The following NPFFR1 variants were observed in gnomAD, a reference collection of about 807,000 sequenced individuals.
The protein encoded by NPFFR1 is neuropeptide FF receptor 1.
In NPFFR1, 17 loss-of-function variants were observed where a neutral mutation model predicts 12.7. The ratio of observed to expected loss-of-function variants is 1.34; its 90% CI spans 0.92 to 2.01. The LOEUF (loss-of-function observed/expected upper bound fraction) is 2.01. Ranked by LOEUF, NPFFR1 falls within the 30% of genes most tolerant of loss-of-function variation. NPFFR1 has a pLI of 0.00. For synonymous variants in NPFFR1, 296 were observed against 264.5 expected, an observed-to-expected ratio of 1.12 and a Z score of -1.16; for missense variants, 604 against 606.5, an observed-to-expected ratio of 1.00 and a Z score of 0.04.
At chr10:70,266,018 A>G in intron 2 of NPFFR1, 59 bp downstream of exon 2, 1 of 1,471,070 alleles carries the variant, frequency 6.8e-7, no homozygotes, top group Non-Finnish European at 9.4e-7. Flanking sequence ...TTCCAGCCTT[A>G]TCTGAGAAGT....
intron 1 of NPFFR1, among the ~76,000 whole-genome samples, chr10:70,268,199 AATACCAGACATTACTTCCTTTC>A (rs1276568585): frequency 6.6e-6 from 1 of 152,128 alleles, no homozygotes; most frequent in African/African-American, 2.4e-5. Context: ...TTTTGAAGTA[AATACCAGACATTACTTCCTTTC>A]ATCCATAAAT....
At chr10:70,257,827 C>T (rs542735522) in intron 3 of NPFFR1, among the ~76,000 whole-genome samples, 35 of 152,340 alleles carry the variant, frequency 2.3e-4, no homozygotes, top group African/African-American at 5.1e-4. Flanking sequence ...ATGTTTGCAG[C>T]AGTGCTGCCT....
Position 70,254,621 on chromosome 10 carries a change from G to C in NPFFR1, c.*336C>G, listed in dbSNP as rs1840542428. On this transcript the variant is annotated 3_prime_UTR_variant, in exon 4 of 4. Transcript: ENST00000277942. ...AGCTTCACATGCCATTTCCACCTGA[G>C]AAACTTGGGTGAGTCACATCTCTCC... The C allele has an allele frequency of 3.7e-6, 1 of 270,616 alleles. No homozygotes were observed. Among genetic ancestry groups the C allele is most frequent in the African/African-American group, 2.2e-5 (1 of 45,698 alleles). 16.8% of individuals were successfully genotyped at this position (270,616 alleles called of 1,614,324 possible).
Position 70,274,257 on chromosome 10 carries a change from G to A in NPFFR1, c.8-7866C>T, listed in dbSNP as rs140245404. Among the ~76,000 whole-genome samples, 814 of 152,192 alleles carry A rather than the reference G, an allele frequency of 5.3e-3. 12 individuals are homozygous for A. The highest frequency in any genetic ancestry group is 0.018 in the African/African-American group (757 of 41,518). ...AAGGTCAGGAGTTCGAGACCAGCCC[G>A]GCCAACATGGTGAAACCCTGTCTCT... On this transcript the variant is annotated intron_variant, in intron 1 of 3. Coordinates refer to ENST00000277942, the MANE Select transcript of NPFFR1 (RefSeq NM_022146.5).
intron 1 of NPFFR1, among the ~76,000 whole-genome samples, chr10:70,274,522 T>G (rs940743494): frequency 2.0e-5 from 3 of 152,150 alleles, no homozygotes; most frequent in Non-Finnish European, 4.4e-5. Context: ...TGGGAACTTG[T>G]CTTAGAGCTG....
chr10:70,281,365 A>G (rs1045293470), intron 1 of NPFFR1, among the ~76,000 whole-genome samples: 35 of 151,694 alleles, frequency 2.3e-4, no homozygotes, highest in African/African-American at 8.5e-4. Context: ...GCAGGATAGA[A>G]CCCCCCAGTT....
intron 1 of NPFFR1, among the ~76,000 whole-genome samples, chr10:70,277,601 AC>A (rs1840816644): frequency 6.6e-6 from 1 of 152,124 alleles, no homozygotes; most frequent in Admixed American, 6.5e-5. Flanking sequence ...CCCCTTCCGT[AC>A]ATGGCCACTT....
chr10:70,255,062 G>C lies in NPFFR1; in HGVS notation c.1188C>G (p.Pro396=). The stretch of plus-strand genomic sequence containing the variant: ...GCCCATTCCGCAGCGGGAGGCGGCC[G>C]GGCCTGGGGGCCCCACTGCTAGGGC... The part of the protein sequence containing the change: ...ESGPSSGAPR[P]GRLPLRNGRV... Residue 396 remains proline (P), a synonymous_variant, in exon 4 of 4, where the codon CCC becomes CCG. Transcript: ENST00000277942. This position sits in a 1 kb window ranked among gnomAD's most constrained non-coding sequence, Gnocchi z 4.2. 8 of 1,436,120 alleles carry C rather than the reference G, an allele frequency of 5.6e-6. No homozygotes were observed. The highest frequency in any genetic ancestry group is 7.3e-6 in the Non-Finnish European group (8 of 1,101,918). The allele number at this position is 1,436,120 out of a possible 1,614,324, so 89.0% of individuals were successfully genotyped here. A position where few individuals can be genotyped will look rare whatever the true frequency, so the allele number is the denominator to read the frequency against.
intron 1 of NPFFR1, among the ~76,000 whole-genome samples, chr10:70,272,141 G>GAA (rs779896681): frequency 0.018 from 1,602 of 90,714 alleles, 18 homozygotes; most frequent in Middle Eastern, 0.031. Context: ...AAGAAATAAA[G>GAA]AGAAAGGGAG....
intron 1 of NPFFR1, among the ~76,000 whole-genome samples, chr10:70,272,244 G>GAAAAAGA (rs60571634): frequency 1.6e-5 from 1 of 64,406 alleles, no homozygotes; most frequent in Non-Finnish European, 3.1e-5. Context: ...AAGAAAGAAA[G>GAAAAAGA]AAGAAAGAAG....
At chr10:70,271,257 A>G (rs1840740771) in intron 1 of NPFFR1, among the ~76,000 whole-genome samples, 1 of 152,226 alleles carries the variant, frequency 6.6e-6, no homozygotes, top group Non-Finnish European at 1.5e-5. Context: ...TCACCCCTGT[A>G]GTCACAGTAC....
At chr10:70,264,075 A>T (rs866812930) in intron 2 of NPFFR1, among the ~76,000 whole-genome samples, 2 of 150,670 alleles carry the variant, frequency 1.3e-5, no homozygotes, top group Middle Eastern at 3.4e-3. Context: ...ACAGAGTGAG[A>T]CTGTCTCAAA....
chr10:70,277,880 A>G (rs1840820380), intron 1 of NPFFR1: 6 of 505,912 alleles, frequency 1.2e-5, no homozygotes, highest in Non-Finnish European at 2.0e-5. Flanking sequence ...CCGGCTAACC[A>G]TAGCAACTCT....
rs540005988 is a variant in NPFFR1, at chr10:70,254,916, A to T, written c.*41T>A. On this transcript the variant is annotated 3_prime_UTR_variant, in exon 4 of 4. Coordinates refer to ENST00000277942, the MANE Select transcript of NPFFR1 (RefSeq NM_022146.5). ...ATCGCCTGCATGTATCTCGTGTCCA[A>T]TCGGGGCCCTGAGGCAGCGTCCCGC... 19 of 1,386,402 alleles carry T rather than the reference A, an allele frequency of 1.4e-5. No homozygotes were observed. Among genetic ancestry groups the T allele is most frequent in the Admixed American group, 1.0e-4 (3 of 29,602 alleles). The allele number at this position is 1,386,402 out of a possible 1,614,324, so 85.9% of individuals were successfully genotyped here. A position where few individuals can be genotyped will look rare whatever the true frequency, so the allele number is the denominator to read the frequency against.
intron 2 of NPFFR1, among the ~76,000 whole-genome samples, chr10:70,261,954 G>C (rs1840640113): frequency 6.6e-6 from 1 of 152,128 alleles, no homozygotes; most frequent in Non-Finnish European, 1.5e-5. Context: ...AAAGTATAAA[G>C]ACTATCTGTA....
intron 1 of NPFFR1, among the ~76,000 whole-genome samples, chr10:70,279,253 T>G (rs1326488023): frequency 6.6e-6 from 1 of 152,082 alleles, no homozygotes; most frequent in Non-Finnish European, 1.5e-5. Flanking sequence ...TTCAAACGAT[T>G]CTTATGTTTC....
In NPFFR1 at chr10:70,248,467, G is replaced by GGTTTTTTTTTGTT. The variant is rs1840473243; in HGVS notation, c.*6489_*6490insAACAAAAAAAAAC. 1 of 96,742 alleles carries GGTTTTTTTTTGTT rather than the reference G, an allele frequency of 1.0e-5. No homozygotes were observed. The highest frequency in any genetic ancestry group is 4.0e-5 in the African/African-American group (1 of 24,706). The allele number at this position is 96,742 out of a possible 1,614,324, so 6.0% of individuals were successfully genotyped here. A position where few individuals can be genotyped will look rare whatever the true frequency, so the allele number is the denominator to read the frequency against. On this transcript the variant is annotated 3_prime_UTR_variant, in exon 4 of 4. Coordinates refer to ENST00000277942, the MANE Select transcript of NPFFR1 (RefSeq NM_022146.5). ...CAAAGTACGTAGTACTATGCCTGGC[G>GGTTTTTTTTTGTT]TTTTTTTTTTGTTTTTTGTTTTTTT...
At chr10:70,283,255 C>T (rs2136814888) in intron 1 of NPFFR1, among the ~76,000 whole-genome samples, 1 of 148,770 alleles carries the variant, frequency 6.7e-6, no homozygotes, top group East Asian at 2.0e-4. Context: ...CACACACAAG[C>T]ACAACATGAA....
intron 1 of NPFFR1, among the ~76,000 whole-genome samples, chr10:70,275,223 A>T (rs543055479): frequency 6.6e-6 from 1 of 152,240 alleles, no homozygotes; most frequent in South Asian, 2.1e-4. Flanking sequence ...ATTTCTCCTT[A>T]CTTCCTGCAG....
Sources: allele counts gnomAD v4.1 joint callset (sites outside exome capture counted in the v4.1 genomes callset), GRCh38; gene constraint gnomAD v4.1.1; non-coding constraint Gnocchi (gnomAD v3.1); transcripts MANE v1.5; gene names NCBI Gene and HGNC (gene_info 2026-07-23, HGNC 2026-07-21).